UBE2O: variants seen among roughly 807,000 people sequenced by gnomAD.
UBE2O encodes (E3-independent) E2 ubiquitin-conjugating enzyme.
UBE2O carries 15 observed loss-of-function variants against 125.8 expected under a neutral mutation model. The observed-to-expected ratio is 0.12, with a 90% CI of 0.08 to 0.18. UBE2O has a LOEUF of 0.18. Ranked by LOEUF, UBE2O falls within the 10% of genes least tolerant of loss-of-function variation. The pLI is 1.00. For missense variants in UBE2O, 1,280 were observed against 1,723.6 expected, an observed-to-expected ratio of 0.74 and a Z score of 4.56; for synonymous variants, 708 against 703.2, an observed-to-expected ratio of 1.01 and a Z score of -0.11.
At chr17:76,447,886 A>T (rs894603476) in intron 1 of UBE2O, among the ~76,000 whole-genome samples, 6 of 152,188 alleles carry the variant, frequency 3.9e-5, no homozygotes, top group Non-Finnish European at 5.9e-5. Flanking sequence ...TCTGACAGAC[A>T]TCAGAATGCT....
chr17:76,451,378 G>C (rs923153136), intron 1 of UBE2O, among the ~76,000 whole-genome samples: 2 of 152,194 alleles, frequency 1.3e-5, no homozygotes, highest in African/African-American at 4.8e-5. Flanking sequence ...TCTCAGAGCT[G>C]TTGCCTGATT....
chr17:76,395,552 T>A lies in UBE2O; in HGVS notation c.2946+173A>T, dbSNP rs547406751. On this transcript the variant is annotated intron_variant, in intron 15 of 17. Transcript: ENST00000319380. This position sits in a 1 kb window ranked among gnomAD's most constrained non-coding sequence, Gnocchi z 5.0. ...GAACCATCTGGCCTGGACACACGGC[T>A]GAGTCAGCCCTCACCTGACTGAGCC... 1.0e-3 allele frequency: 701 copies of A among 694,366 alleles called. 14 individuals carry two copies. The South Asian group carries it at 0.014, about 14-fold the overall frequency. The allele number at this position is 694,366 out of a possible 1,614,324, so 43.0% of individuals were successfully genotyped here.
At chr17:76,416,792 C>T (rs2072624229) in intron 1 of UBE2O, among the ~76,000 whole-genome samples, 1 of 152,206 alleles carries the variant, frequency 6.6e-6, no homozygotes, top group Non-Finnish European at 1.5e-5. Context: ...ACCTCCATCT[C>T]TCCCAAGGCA....
At position 76,391,659 on chromosome 17, in the gene UBE2O, A is replaced by G. The variant is rs1033384636; in HGVS notation, c.3209-46T>C. On this transcript the variant is annotated intron_variant, in intron 17 of 17. Coordinates refer to ENST00000319380, the MANE Select transcript of UBE2O (RefSeq NM_022066.4). This position sits in a 1 kb window ranked among gnomAD's most constrained non-coding sequence, Gnocchi z 8.4. ...CCCTCAGTGGGTGAGAGAGGCCCAC[A>G]ATGCAGGCCTACCCTCCACCTGCCA... 1.2e-6 allele frequency: 2 copies of G among 1,600,916 alleles called. No homozygotes were observed. Among genetic ancestry groups the G allele is most frequent in the Non-Finnish European group, 1.7e-6 (2 of 1,171,676 alleles).
chr17:76,450,597 A>G (rs55829930), intron 1 of UBE2O, among the ~76,000 whole-genome samples: 1,924 of 151,920 alleles, frequency 0.013, 13 homozygotes, highest in Non-Finnish European at 0.02. Context: ...AATCTATCCA[A>G]AGTGGTGCCT....
Position 76,396,225 on chromosome 17 carries a change from G to A in UBE2O, c.2712C>T (p.Ser904=), listed in dbSNP as rs139988070. The A allele has an allele frequency of 3.0e-5, 48 of 1,614,046 alleles. No homozygotes were observed. The highest frequency in any genetic ancestry group is 1.6e-4 in the African/African-American group (12 of 74,940). Reference sequence around the variant, plus strand: ...ACTGCTGGCACAGCACCGGGGTTTCGCTGGGCCACTCAGCCTTCACAGGTG... The same window carrying A: ...ACTGCTGGCACAGCACCGGGGTTTCACTGGGCCACTCAGCCTTCACAGGTG... ...GQSPVKAEWP[S]ETPVLCQQCG... is the part of the protein sequence containing the mutation. Residue 904 remains serine, a synonymous_variant, in exon 14 of 18, where the codon AGC becomes AGT. Coordinates refer to ENST00000319380, the MANE Select transcript of UBE2O (RefSeq NM_022066.4). The surrounding 1 kb of genome is among the most constrained non-coding windows in gnomAD (Gnocchi z 6.7).
In UBE2O at chr17:76,400,402, C is replaced by T. The variant is rs369738788; in HGVS notation, c.1004+39G>A. On this transcript the variant is annotated intron_variant, in intron 7 of 17. Transcript: ENST00000319380. This position sits in a 1 kb window ranked among gnomAD's most constrained non-coding sequence, Gnocchi z 4.3. ...GACCAGGGCCCAGAGCCCTGTCCCA[C>T]GCGTGCCCCTGGGTTGCTGGCAGTA... 101 of 1,596,080 alleles carry T rather than the reference C, an allele frequency of 6.3e-5. 1 individual carries two copies. In the Admixed American group the frequency reaches 1.4e-3, roughly 22 times the overall value.
chr17:76,427,728 TGGA>T (rs2072835095), intron 1 of UBE2O, among the ~76,000 whole-genome samples: 1 of 152,254 alleles, frequency 6.6e-6, no homozygotes, highest in Admixed American at 6.5e-5. Flanking sequence ...ACTTAGAACT[TGGA>T]TGTTTTCCAC....
At chr17:76,411,663 T>C (rs1205894335) in intron 1 of UBE2O, among the ~76,000 whole-genome samples, 1 of 152,078 alleles carries the variant, frequency 6.6e-6, no homozygotes, top group East Asian at 1.9e-4. Context: ...CTTCTGGAGG[T>C]TAGTGATGTA....
intron 1 of UBE2O, chr17:76,430,605 A>G (rs955008585): frequency 1.2e-5 from 4 of 325,946 alleles, no homozygotes; most frequent in African/African-American, 8.6e-5. Flanking sequence ...AGACTGATCA[A>G]TCAAAGTGTT....
Position 76,400,045 on chromosome 17 carries a change from C to T in UBE2O, c.1155+102G>A, listed in dbSNP as rs1000948538. The T allele has an allele frequency of 1.2e-5, 19 of 1,530,336 alleles. 1 individual carries two copies. The East Asian group carries it at 1.4e-4, about 11-fold the overall frequency. The allele number at this position is 1,530,336 out of a possible 1,614,324, so 94.8% of individuals were successfully genotyped here. A position where few individuals can be genotyped will look rare whatever the true frequency, so the allele number is the denominator to read the frequency against. On this transcript the variant is annotated intron_variant, in intron 8 of 17. Coordinates refer to ENST00000319380, the MANE Select transcript of UBE2O (RefSeq NM_022066.4). This position sits in a 1 kb window ranked among gnomAD's most constrained non-coding sequence, Gnocchi z 4.3. ...GAGTAGCCGGCAAGGGTCATCAGGG[C>T]TGCCCCCCAAGGCCTAAAGCACAGA...
intron 1 of UBE2O, among the ~76,000 whole-genome samples, chr17:76,420,955 A>C (rs1163154897): frequency 6.6e-6 from 1 of 152,090 alleles, no homozygotes; most frequent in Non-Finnish European, 1.5e-5. Context: ...CATCCCTGCA[A>C]TTAGGTCAGG....
At chr17:76,392,961 A>G (rs940543188) in intron 15 of UBE2O, among the ~76,000 whole-genome samples, 11 of 150,892 alleles carry the variant, frequency 7.3e-5, no homozygotes, top group Non-Finnish European at 1.6e-4. Flanking sequence ...AAAAAAAAAA[A>G]AGATTGTATT....
At chr17:76,394,906 C>A (rs180710439) in intron 15 of UBE2O, among the ~76,000 whole-genome samples, 1 of 150,582 alleles carries the variant, frequency 6.6e-6, no homozygotes, top group African/African-American at 2.5e-5. Context: ...GATGAAGTCT[C>A]GCTCTGTTGC....
intron 1 of UBE2O, among the ~76,000 whole-genome samples, chr17:76,425,225 CAAAAAAAAAAAA>C (rs58377572): frequency 6.3e-5 from 6 of 95,102 alleles, no homozygotes; most frequent in African/African-American, 1.0e-4. Context: ...GTCCTTTCGA[CAAAAAAAAAAAA>C]AAAAAAAAAA....
rs968084028 is a variant in UBE2O at position 76,399,750 on chromosome 17, C to G, written c.1327G>C (p.Val443Leu). Residue 443 changes from valine to leucine, a missense_variant, in exon 9 of 18, where the codon GTG (valine) becomes CTG (leucine). By Grantham distance (32) the Val-to-Leu change is conservative. Transcript: ENST00000319380. The surrounding 1 kb of genome is among the most constrained non-coding windows in gnomAD (Gnocchi z 6.9). Reference sequence around the variant, plus strand: ...TCTGCACCCTCGTCCTGCATCTCCACTGGACTGGCAGAGCCATCGGGCGTC... The same window carrying G: ...TCTGCACCCTCGTCCTGCATCTCCAGTGGACTGGCAGAGCCATCGGGCGTC... Reference protein sequence around the residue: ...EETPDGSASPVEMQDEGAEEP... With the variant: ...EETPDGSASPLEMQDEGAEEP... 1 of 1,614,232 alleles carries G rather than the reference C, an allele frequency of 6.2e-7. No individual in the cohort carries two copies. The highest frequency in any genetic ancestry group is 1.7e-5 in the Admixed American group (1 of 60,028).
rs1409589183 is a variant in UBE2O at position 76,398,130 on chromosome 17, G to C, written c.2025+125C>G. 7.4e-7 allele frequency: 1 copy of C among 1,351,214 alleles called. No individual in the cohort carries two copies. Among genetic ancestry groups the C allele is most frequent in the African/African-American group, 1.4e-5 (1 of 69,556 alleles). The allele number at this position is 1,351,214 out of a possible 1,614,324, so 83.7% of individuals were successfully genotyped here. A position where few individuals can be genotyped will look rare whatever the true frequency, so the allele number is the denominator to read the frequency against. On this transcript the variant is annotated intron_variant, in intron 12 of 17. Transcript: ENST00000319380. This position sits in a 1 kb window ranked among gnomAD's most constrained non-coding sequence, Gnocchi z 5.4. ...TTGACTCTGGGGCAGCTGCCCTTCT[G>C]AGGACACTGAGCCCAGAGGACTTTC...
chr17:76,441,886 C>T (rs1203882552), intron 1 of UBE2O, among the ~76,000 whole-genome samples: 3 of 152,264 alleles, frequency 2.0e-5, no homozygotes, highest in East Asian at 1.9e-4. Flanking sequence ...CTCCAGGCCC[C>T]GCCCCCAAGG....
In UBE2O at chr17:76,402,797, G is replaced by A; in HGVS notation, c.589-98C>T. 3.9e-6 allele frequency: 4 copies of A among 1,020,226 alleles called. No homozygotes were observed. The highest frequency in any genetic ancestry group is 1.3e-5 in the South Asian group (1 of 76,148). 63.2% of individuals were successfully genotyped at this position (1,020,226 alleles called of 1,614,324 possible). A position where few individuals can be genotyped will look rare whatever the true frequency, so the allele number is the denominator to read the frequency against. ...GCCCCACCGAAGACAGGATGGGGGA[G>A]GATCTAGACAGCTCACTGACTGGAC... On this transcript the variant is annotated intron_variant, in intron 3 of 17. Transcript: ENST00000319380. The surrounding 1 kb of genome is among the most constrained non-coding windows in gnomAD (Gnocchi z 5.4).
Sources: gnomAD v4.1 joint callset for allele counts (sites outside exome capture counted in the v4.1 genomes callset) on GRCh38, gnomAD v4.1.1 for gene constraint, Gnocchi (gnomAD v3.1) non-coding constraint, MANE v1.5 for transcripts, NCBI Gene and HGNC (gene_info 2026-07-23, HGNC 2026-07-21) for gene names.